RIC1: variants seen among roughly 807,000 people sequenced by gnomAD.
RIC1 encodes guanine nucleotide exchange factor subunit RIC1.
Under a neutral mutation model 169.0 loss-of-function variants are expected in RIC1, and 88 were observed. That is an observed-to-expected ratio of 0.52 (90% CI 0.44 to 0.62). RIC1 has a LOEUF of 0.62. Ranked by LOEUF, RIC1 falls within the 20% of genes least tolerant of loss-of-function variation. RIC1 has a pLI of 0.00. For missense variants in RIC1, 1,877 were observed against 1,725.5 expected, an observed-to-expected ratio of 1.09 and a Z score of -1.56; for synonymous variants, 790 against 601.5, an observed-to-expected ratio of 1.31 and a Z score of -4.59.
intron 17 of RIC1, among the ~76,000 whole-genome samples, chr9:5,760,885 C>T (rs1275810285): frequency 6.6e-6 from 1 of 152,136 alleles, no homozygotes; most frequent in Non-Finnish European, 1.5e-5. Flanking sequence ...TTCAGCCAGC[C>T]AGCATGCAGC....
chr9:5,689,275 T>C (rs1290064634), intron 2 of RIC1, among the ~76,000 whole-genome samples: 1 of 152,028 alleles, frequency 6.6e-6, no homozygotes, highest in East Asian at 1.9e-4. Context: ...ATGGTCTTGA[T>C]CTCCTGACCT....
chr9:5,737,962 G>A (rs1824827087), intron 7 of RIC1, among the ~76,000 whole-genome samples: 1 of 152,074 alleles, frequency 6.6e-6, no homozygotes, highest in Admixed American at 6.6e-5. Context: ...AAGAGGCAAA[G>A]GAGGTATGTC....
chr9:5,677,331 T>G (rs1221739383), intron 2 of RIC1, among the ~76,000 whole-genome samples: 1 of 152,244 alleles, frequency 6.6e-6, no homozygotes, highest in Non-Finnish European at 1.5e-5. Flanking sequence ...TCTTATTTGG[T>G]AAAATGTGTG....
rs1019300196 is a variant in RIC1 at position 5,642,731 on chromosome 9, T to G, written c.144+13278T>G. 6.0e-5 allele frequency among the ~76,000 whole-genome samples: 7 copies of G among 117,520 alleles called. 2 individuals carry two copies. Among genetic ancestry groups the G allele is most frequent in the Non-Finnish European group, 1.2e-4 (7 of 59,016 alleles). The allele number at this position is 117,520 out of a possible 152,430, so 77.1% of individuals were successfully genotyped here. A position where few individuals can be genotyped will look rare whatever the true frequency, so the allele number is the denominator to read the frequency against. ...ACTGCCGGGCAGTCATCTTCAGGTGTTTATGAATCATTAACATAATCCATA... is the reference window on the plus strand; with the variant it reads ...ACTGCCGGGCAGTCATCTTCAGGTGGTTATGAATCATTAACATAATCCATA... On this transcript the variant is annotated intron_variant, in intron 1 of 25. Transcript: ENST00000414202.
intron 2 of RIC1, among the ~76,000 whole-genome samples, chr9:5,688,664 A>G (rs562166466): frequency 2.0e-5 from 3 of 152,320 alleles, no homozygotes; most frequent in African/African-American, 7.2e-5. Flanking sequence ...TAGTAAAGTT[A>G]ATGGTCAAAA....
chr9:5,739,215 A>G (rs977308350), intron 8 of RIC1, among the ~76,000 whole-genome samples: 1 of 152,116 alleles, frequency 6.6e-6, no homozygotes, highest in Non-Finnish European at 1.5e-5. Context: ...CTTCCTCTAC[A>G]TTAAACCAAG....
intron 2 of RIC1, among the ~76,000 whole-genome samples, chr9:5,688,965 T>G (rs1481708052): frequency 6.6e-6 from 1 of 152,142 alleles, no homozygotes; most frequent in African/African-American, 2.4e-5. Context: ...AAATGGTTGT[T>G]TGAACTTCAC....
intron 1 of RIC1, among the ~76,000 whole-genome samples, chr9:5,633,973 A>G (rs1817847045): frequency 6.6e-6 from 1 of 152,152 alleles, no homozygotes; most frequent in African/African-American, 2.4e-5. Flanking sequence ...TATATTCCAT[A>G]TATGAGATCA....
In RIC1 at chr9:5,753,133, T is replaced by C; in HGVS notation, c.1453-67T>C. On this transcript the variant is annotated intron_variant, in intron 12 of 25. Transcript: ENST00000414202. ...CGGCAAGATGAATCTCATAGTGTGA[T>C]AACTTAATGCTTTAAGTTTAAATAT... is the stretch of plus-strand genomic sequence containing the variant. The C allele has an allele frequency of 7.3e-6, 10 of 1,367,824 alleles. No homozygotes were observed. The Middle Eastern group carries it at 9.1e-4, about 124-fold the overall frequency. 84.7% of individuals were successfully genotyped at this position (1,367,824 alleles called of 1,614,324 possible).
chr9:5,696,247 A>T (rs1821897462), intron 3 of RIC1, among the ~76,000 whole-genome samples: 2 of 151,546 alleles, frequency 1.3e-5, no homozygotes, highest in South Asian at 4.2e-4. Context: ...TATCATTTGC[A>T]TTGATAACAA....
chr9:5,705,192 G>GTT (rs35035828), intron 3 of RIC1, among the ~76,000 whole-genome samples: 1,193 of 113,190 alleles, frequency 0.011, 17 homozygotes, highest in South Asian at 0.036. Context: ...TCCCATTTCT[G>GTT]TTTTTTTTTT....
intron 17 of RIC1, among the ~76,000 whole-genome samples, chr9:5,759,679 G>C (rs1826215016): frequency 6.6e-6 from 1 of 152,168 alleles, no homozygotes; most frequent in Non-Finnish European, 1.5e-5. Flanking sequence ...TAGCATTGTA[G>C]CTATGTTAGC....
rs1369410754 is a variant in RIC1 at position 5,738,524 on chromosome 9, C to T, written c.887C>T (p.Ala296Val). 7 of 1,487,830 alleles carry T rather than the reference C, an allele frequency of 4.7e-6. No homozygotes were observed. Among genetic ancestry groups the T allele is most frequent in the Non-Finnish European group, 5.5e-6 (6 of 1,082,102 alleles). 92.2% of individuals were successfully genotyped at this position (1,487,830 alleles called of 1,614,324 possible). A position where few individuals can be genotyped will look rare whatever the true frequency, so the allele number is the denominator to read the frequency against. The change falls in exon 8 of 26, where the codon GCA becomes GTA. Residue 296 changes from alanine to valine, a missense_variant. This residue lies in a region of RIC1 where 1,104 missense variants were observed against 992.0 expected (regional missense o/e 1.11). Coordinates refer to ENST00000414202, the MANE Select transcript of RIC1 (RefSeq NM_020829.4). ...CTATCTCATAAATTAGAGCTAACAG[C>T]AAAACAGTATCCTGGTGAGTCTTTT... is the stretch of plus-strand genomic sequence containing the variant. ...MLLSHKLELT[A>V]KQYPDIWNKT...
chr9:5,635,083 G>A (rs575140096), intron 1 of RIC1, among the ~76,000 whole-genome samples: 1 of 152,100 alleles, frequency 6.6e-6, no homozygotes, highest in Non-Finnish European at 1.5e-5. Context: ...GACCTCTTGG[G>A]CTCAAGCAAT....
At chr9:5,746,218 T>G in intron 11 of RIC1, 135 bp downstream of exon 11, 1 of 522,378 alleles carries the variant, frequency 1.9e-6, no homozygotes, top group African/African-American at 2.0e-5. Context: ...GTGTTTCTTT[T>G]TAATTTATAT....
intron 6 of RIC1, among the ~76,000 whole-genome samples, chr9:5,727,268 T>C (rs1188810243): frequency 6.6e-6 from 1 of 152,212 alleles, no homozygotes; most frequent in African/African-American, 2.4e-5. Context: ...TACTCTTTTT[T>C]TCTCTAAACT....
intron 3 of RIC1, among the ~76,000 whole-genome samples, chr9:5,705,769 C>T (rs181762856): frequency 2.0e-5 from 3 of 152,180 alleles, no homozygotes; most frequent in East Asian, 1.9e-4. Context: ...AAGATGTTAG[C>T]TGTGCGCTTT....
At chr9:5,651,293 C>A (rs1818786291) in intron 1 of RIC1, among the ~76,000 whole-genome samples, 1 of 152,106 alleles carries the variant, frequency 6.6e-6, no homozygotes. Flanking sequence ...CCTGTCACTT[C>A]TCTGCTAAAT....
At chr9:5,730,242 G>A (rs1455448473) in intron 6 of RIC1, among the ~76,000 whole-genome samples, 1 of 152,118 alleles carries the variant, frequency 6.6e-6, no homozygotes, top group Admixed American at 6.6e-5. Context: ...AACCTCCTGA[G>A]GACTAAAAGA....
Sources: allele counts gnomAD v4.1 joint callset (sites outside exome capture counted in the v4.1 genomes callset), GRCh38; gene constraint gnomAD v4.1.1; regional missense constraint gnomAD v4.1.1; transcripts MANE v1.5; gene names NCBI Gene and HGNC (gene_info 2026-07-23, HGNC 2026-07-21).